The following RBBP8NL variants were observed in gnomAD, a reference collection of about 807,000 sequenced individuals.
The protein encoded by RBBP8NL is RBBP8 N-terminal like, also known as RBBP8 N-terminal-like protein.
Under a neutral mutation model 62.2 loss-of-function variants are expected in RBBP8NL, and 59 were observed. The ratio of observed to expected loss-of-function variants is 0.95; its 90% CI spans 0.77 to 1.18. The LOEUF (loss-of-function observed/expected upper bound fraction) is 1.18. Among genes scored for constraint, RBBP8NL ranks in the 50% most tolerant of loss-of-function variants. The pLI, the probability that RBBP8NL is intolerant of heterozygous loss-of-function variation, is 0.00. For missense variants in RBBP8NL, 896 were observed against 899.5 expected (o/e 1.00, Z 0.05); for synonymous variants, 412 against 394.1 (o/e 1.05, Z -0.54).
Position 62,415,297 on chromosome 20 carries a change from TG to T in RBBP8NL, c.628-11del. On this transcript the variant is annotated splice_polypyrimidine_tract_variant and intron_variant, in intron 8 of 13. Coordinates refer to ENST00000252998, the MANE Select transcript of RBBP8NL (RefSeq NM_080833.3). The stretch of plus-strand genomic sequence containing the variant: ...AGATGCGCTGGGGGCTCTGTGAGGA[TG>T]GGTGGGTCAGCCTGGGCGGGGGCAT... 1 of 1,566,886 alleles carries T rather than the reference TG, an allele frequency of 6.4e-7. No homozygotes were observed.
chr20:62,412,282 A>G (rs1184796127), intron 13 of RBBP8NL, among the ~76,000 whole-genome samples: 2 of 152,202 alleles, frequency 1.3e-5, no homozygotes, highest in Non-Finnish European at 2.9e-5. Flanking sequence ...CCTTCCTTCC[A>G]GGATGATGGT....
chr20:62,413,959 T>C lies in RBBP8NL; in HGVS notation c.1392A>G (p.Ser464=). 1 of 1,578,688 alleles carries C rather than the reference T, an allele frequency of 6.3e-7. No individual in the cohort carries two copies. Residue 464 remains serine, a synonymous_variant, in exon 10 of 14, where the codon TCA becomes TCG. Transcript: ENST00000252998. Reference sequence around the variant, plus strand: ...CAGTGTGGGCAGCGGCAGGGCTGAGTGACCCATGCTGGCCGGCCGGCTTGG... The same window carrying C: ...CAGTGTGGGCAGCGGCAGGGCTGAGCGACCCATGCTGGCCGGCCGGCTTGG... ...DTPKPAGQHG[S]LSPAAAHTAS...
In RBBP8NL at chr20:62,416,860, G is replaced by T; in HGVS notation, c.213C>A (p.Gly71=). ...GGGTGACCATGCAGCGGTCGCACAG[G>T]CCGGCCCGCAGCCTGCAGGGATGGG... ...LRVLENRLRA[G]LCDRCMVTQE... Residue 71 remains glycine (G), a synonymous_variant, in exon 5 of 14, where the codon GGC becomes GGA. Coordinates refer to ENST00000252998, the MANE Select transcript of RBBP8NL (RefSeq NM_080833.3). 1 of 1,564,094 alleles carries T rather than the reference G, an allele frequency of 6.4e-7. No individual in the cohort carries two copies. Among genetic ancestry groups the T allele is most frequent in the Non-Finnish European group, 8.7e-7 (1 of 1,155,190 alleles).
In RBBP8NL at chr20:62,410,654, G is replaced by A; in HGVS notation, c.*224C>T. On this transcript the variant is annotated 3_prime_UTR_variant, in exon 14 of 14. Transcript: ENST00000252998. Reference sequence around the variant, plus strand: ...GTGGGCCAGGATGTGCCCGTCACCGGCTCTTCGGGGTTGCCTGCTGGTTGG... The same window carrying A: ...GTGGGCCAGGATGTGCCCGTCACCGACTCTTCGGGGTTGCCTGCTGGTTGG... The A allele has an allele frequency of 1.8e-6, 1 of 561,634 alleles. No homozygotes were observed. The highest frequency in any genetic ancestry group is 2.4e-5 in the South Asian group (1 of 40,938). The allele number at this position is 561,634 out of a possible 1,614,324, so 34.8% of individuals were successfully genotyped here.
chr20:62,411,374 G>A (rs1988431721), intron 13 of RBBP8NL, among the ~76,000 whole-genome samples: 1 of 152,248 alleles, frequency 6.6e-6, no homozygotes, highest in Admixed American at 6.5e-5. Context: ...TCCTGCGATG[G>A]TCCGGGGACG....
chr20:62,420,674 T>C (rs1988679579), intron 1 of RBBP8NL, among the ~76,000 whole-genome samples: 1 of 152,140 alleles, frequency 6.6e-6, no homozygotes, highest in Non-Finnish European at 1.5e-5. Flanking sequence ...CAGTTGCAGG[T>C]ACACGGAAAC....
intron 2 of RBBP8NL, among the ~76,000 whole-genome samples, chr20:62,418,757 A>G (rs1451406816): frequency 6.6e-6 from 1 of 152,120 alleles, no homozygotes; most frequent in Non-Finnish European, 1.5e-5. Flanking sequence ...GCCACCTGTG[A>G]AAGGTAGAGG....
intron 1 of RBBP8NL, among the ~76,000 whole-genome samples, chr20:62,420,373 C>CACACACACACAT (rs1270723038): frequency 2.0e-5 from 3 of 150,164 alleles, no homozygotes; most frequent in African/African-American, 7.5e-5. Flanking sequence ...CACACACACA[C>CACACACACACAT]ACACACACAC....
chr20:62,413,718 TGG>T, intron 10 of RBBP8NL, 101 bp downstream of exon 10: 6 of 1,441,452 alleles, frequency 4.2e-6, no homozygotes, highest in Non-Finnish European at 5.5e-6. Context: ...AACAACTTGG[TGG>T]GCAGAGGGAA....
intron 4 of RBBP8NL, 72 bp from the exon 5 acceptor site, chr20:62,416,944 C>A: frequency 8.3e-7 from 1 of 1,202,860 alleles, no homozygotes; most frequent in Non-Finnish European, 1.2e-6. Flanking sequence ...CACTCACTGC[C>A]CCACTGCTGG....
At chr20:62,413,636 G>T in intron 10 of RBBP8NL, 91 bp from the exon 11 acceptor site, 2 of 1,445,462 alleles carry the variant, frequency 1.4e-6, no homozygotes, top group East Asian at 2.4e-5. Flanking sequence ...CCCCTCTTGA[G>T]GCTGCAGCTG....
At chr20:62,416,894 G>C (rs1460756134) in intron 4 of RBBP8NL, 22 bp from the exon 5 acceptor site, 2 of 1,514,726 alleles carry the variant, frequency 1.3e-6, no homozygotes, top group Admixed American at 2.0e-5. Context: ...GGGACGCAGG[G>C]GGTGTGAGGG....
In RBBP8NL at chr20:62,417,371, C is replaced by T. The variant is rs751001323; in HGVS notation, c.105-52G>A. The T allele has an allele frequency of 5.4e-5, 76 of 1,415,054 alleles. No homozygotes were observed. In the East Asian group the frequency reaches 6.6e-4, roughly 12 times the overall value. The allele number at this position is 1,415,054 out of a possible 1,614,324, so 87.7% of individuals were successfully genotyped here. A position where few individuals can be genotyped will look rare whatever the true frequency, so the allele number is the denominator to read the frequency against. ...GTCCTGTTCCATCCAGGAAGCCACA[C>T]GCTGTCCCCACCATCCAGCCTGGGG... On this transcript the variant is annotated intron_variant, in intron 3 of 13. Coordinates refer to ENST00000252998, the MANE Select transcript of RBBP8NL (RefSeq NM_080833.3).
At chr20:62,416,727 G>A in intron 5 of RBBP8NL, 33 bp downstream of exon 5, 2 of 1,487,874 alleles carry the variant, frequency 1.3e-6, no homozygotes, top group Non-Finnish European at 9.2e-7. Flanking sequence ...CCCCGTGGGA[G>A]AGGACCCCGG....
At chr20:62,415,051 C>T (rs952585037) in intron 9 of RBBP8NL, 70 bp downstream of exon 9, 62 of 1,385,530 alleles carry the variant, frequency 4.5e-5, no homozygotes, top group African/African-American at 5.9e-5. Context: ...AGAGGGACTG[C>T]CCTGGGACCA....
rs116755732 is a variant in RBBP8NL at position 62,422,164 on chromosome 20, C to T, written c.-83-2434G>A. On this transcript the variant is annotated intron_variant, in intron 1 of 13. Transcript: ENST00000252998. ...CAGCTGGAGGCCATGCCCAAGGCCT[C>T]GCCACGGCCAGCCCAGCCCAAGTGG... Among the ~76,000 whole-genome samples, 854 of 152,294 alleles carry T rather than the reference C, an allele frequency of 5.6e-3. 8 individuals are homozygous for T. The highest frequency in any genetic ancestry group is 0.019 in the African/African-American group (803 of 41,538).
Position 62,417,447 on chromosome 20 carries a change from C to CTGCT in RBBP8NL, c.105-129_105-128insAGCA, listed in dbSNP as rs1266108153. The CTGCT allele has an allele frequency of 6.6e-4, 439 of 667,928 alleles. 5 individuals are homozygous for CTGCT. The African/African-American group carries it at 6.9e-3, about 10-fold the overall frequency. 41.4% of individuals were successfully genotyped at this position (667,928 alleles called of 1,614,324 possible). On this transcript the variant is annotated intron_variant, in intron 3 of 13. Coordinates refer to ENST00000252998, the MANE Select transcript of RBBP8NL (RefSeq NM_080833.3). The stretch of plus-strand genomic sequence containing the variant: ...CCTTGGTCTGGGGGCAACGCCTAAC[C>CTGCT]CGGTGCCCCCCTCCCAGTCATCTGC...
Position 62,415,255 on chromosome 20 carries a change from C to G in RBBP8NL, c.660G>C (p.Gly220=), listed in dbSNP as rs1475203302. 1 of 1,568,204 alleles carries G rather than the reference C, an allele frequency of 6.4e-7. No individual in the cohort carries two copies. Among genetic ancestry groups the G allele is most frequent in the South Asian group, 1.2e-5 (1 of 86,128 alleles). Reference sequence around the variant, plus strand: ...ACCCAGGCCGCACCACGGCAATGGTCCCGTGCAGCTGGTTGGAGATGCGCT... The same window carrying G: ...ACCCAGGCCGCACCACGGCAATGGTGCCGTGCAGCTGGTTGGAGATGCGCT... ...SPQRISNQLH[G]TIAVVRPGSQ... The change falls in exon 9 of 14, where the codon GGG becomes GGC. Residue 220 remains glycine (G), a synonymous_variant. Transcript: ENST00000252998.
In RBBP8NL at chr20:62,415,854, C is replaced by T. The variant is rs1988551889; in HGVS notation, c.478G>A (p.Glu160Lys). Residue 160 changes from glutamate (E) to lysine (K), a missense_variant, in exon 7 of 14, where the codon GAG becomes AAG. Physicochemically the swap from Glu to Lys is moderately conservative, Grantham distance 56. Coordinates refer to ENST00000252998, the MANE Select transcript of RBBP8NL (RefSeq NM_080833.3). Reference sequence around the variant, plus strand: ...TCCTCGTGGCCTCCCGGTGGCTTCTCTGTGATGGCCTTCCAGCCACCAGGG... The same window carrying T: ...TCCTCGTGGCCTCCCGGTGGCTTCTTTGTGATGGCCTTCCAGCCACCAGGG... ...PSPGGWKAITEKPPGGHEEAE... is the reference protein window; with the variant it reads ...PSPGGWKAITKKPPGGHEEAE... The T allele has an allele frequency of 6.2e-7, 1 of 1,611,804 alleles. No homozygotes were observed. Among genetic ancestry groups the T allele is most frequent in the African/African-American group, 1.3e-5 (1 of 74,912 alleles).
Sources: allele counts gnomAD v4.1 joint callset (sites outside exome capture counted in the v4.1 genomes callset), GRCh38; gene constraint gnomAD v4.1.1; transcripts MANE v1.5; gene names NCBI Gene and HGNC (gene_info 2026-07-23, HGNC 2026-07-21).